Variants in C12orf54 observed in about 807,000 individuals in gnomAD.
C12orf54 encodes uncharacterized protein C12orf54.
A neutral mutation model predicts 26.4 loss-of-function variants in C12orf54; 24 were observed. That is an observed-to-expected ratio of 0.91 (90% CI 0.66 to 1.28). C12orf54 has a LOEUF of 1.28. C12orf54 is among the 50% of genes most tolerant of loss of function. The probability of loss-of-function intolerance (pLI) is 0.00; values close to 1 mark genes in which losing one functional copy is unlikely to be tolerated. For missense variants in C12orf54, 154 were observed against 150.9 expected (o/e 1.02, Z -0.11); for synonymous variants, 54 against 47.0 (o/e 1.15, Z -0.61).
chr12:48,445,145 C>A, the C12orf54 span, among the ~76,000 whole-genome samples: 26 of 151,968 alleles, frequency 1.7e-4, no homozygotes, highest in Non-Finnish European at 3.5e-4. Flanking sequence ...TGCACTCCAG[C>A]CTGGGCGACA....
At chr12:48,469,651 G>C in the C12orf54 span, among the ~76,000 whole-genome samples, 1 of 152,174 alleles carries the variant, frequency 6.6e-6, no homozygotes, top group African/African-American at 2.4e-5. Context: ...AATTATAAGA[G>C]TATTGATTGG....
chr12:48,486,739 G>C lies in C12orf54; in HGVS notation c.135+13G>C, dbSNP rs778835324. 1.9e-6 allele frequency: 3 copies of C among 1,611,192 alleles called. No homozygotes were observed. In the South Asian group the frequency reaches 3.3e-5, roughly 18 times the overall value. The stretch of plus-strand genomic sequence containing the variant: ...CCTGTGGGACCAGGTGAGTACAGAG[G>C]AATCATTTTTGACAGCATGGCATGA... On this transcript the variant is annotated intron_variant, in intron 4 of 8. Transcript: ENST00000548364.
chr12:48,436,428 C>T, the C12orf54 span, among the ~76,000 whole-genome samples: 1 of 152,172 alleles, frequency 6.6e-6, no homozygotes, highest in Admixed American at 6.5e-5. Context: ...ATCTACAGAA[C>T]TCTCCACCCC....
chr12:48,443,357 G>C, the C12orf54 span, among the ~76,000 whole-genome samples: 2 of 152,150 alleles, frequency 1.3e-5, no homozygotes, highest in African/African-American at 4.8e-5. Context: ...GGCTTTAGGT[G>C]GGAGCATGTT....
chr12:48,494,219 CAA>C (rs933658163), intron 7 of C12orf54, among the ~76,000 whole-genome samples: 1 of 148,804 alleles, frequency 6.7e-6, no homozygotes, highest in South Asian at 2.1e-4. Context: ...AACTCTGTCT[CAA>C]AAAAAAAATT....
At chr12:48,451,047 C>T in the C12orf54 span, among the ~76,000 whole-genome samples, 4 of 152,056 alleles carry the variant, frequency 2.6e-5, no homozygotes, top group African/African-American at 7.2e-5. Flanking sequence ...AAACTTCAGG[C>T]CAATATCCTT....
chr12:48,495,703 GA>G (rs1325979709), intron 8 of C12orf54: 1 of 152,568 alleles, frequency 6.6e-6, no homozygotes, highest in Non-Finnish European at 1.5e-5. Flanking sequence ...AGGTGATGGA[GA>G]AAATTGGTTT....
chr12:48,447,471 G>T, the C12orf54 span, among the ~76,000 whole-genome samples: 1 of 152,264 alleles, frequency 6.6e-6, no homozygotes, highest in Non-Finnish European at 1.5e-5. Flanking sequence ...CTGTGCTTTA[G>T]ATAGATTATT....
the C12orf54 span, among the ~76,000 whole-genome samples, chr12:48,445,837 A>G: frequency 6.6e-6 from 1 of 152,214 alleles, no homozygotes; most frequent in Non-Finnish European, 1.5e-5. Flanking sequence ...TTTTCCCAAA[A>G]GGAGGAAGCG....
chr12:48,456,880 A>G, the C12orf54 span, among the ~76,000 whole-genome samples: 1 of 152,194 alleles, frequency 6.6e-6, no homozygotes, highest in African/African-American at 2.4e-5. Flanking sequence ...GAAACACCAA[A>G]GTACGAAAAG....
the C12orf54 span, among the ~76,000 whole-genome samples, chr12:48,447,189 GCT>G: frequency 8.1e-4 from 116 of 142,892 alleles, no homozygotes; most frequent in African/African-American, 7.5e-4. Context: ...AGATATGAGA[GCT>G]CTCTCTCTCT....
chr12:48,476,077 G>C, the C12orf54 span, among the ~76,000 whole-genome samples: 1 of 152,160 alleles, frequency 6.6e-6, no homozygotes, highest in Non-Finnish European at 1.5e-5. Flanking sequence ...CCAGAAGAGA[G>C]TGGGGGCCAA....
the C12orf54 span, among the ~76,000 whole-genome samples, chr12:48,446,641 G>C: frequency 6.6e-6 from 1 of 152,032 alleles, no homozygotes; most frequent in Non-Finnish European, 1.5e-5. Context: ...ATTCCACCGG[G>C]AATTCCCATT....
the C12orf54 span, among the ~76,000 whole-genome samples, chr12:48,433,287 G>C: frequency 6.6e-6 from 1 of 152,176 alleles, no homozygotes; most frequent in East Asian, 1.9e-4. Flanking sequence ...GGCTCACCAG[G>C]AAGGAAAGAC....
chr12:48,418,165 G>A, the C12orf54 span, among the ~76,000 whole-genome samples: 9 of 152,214 alleles, frequency 5.9e-5, no homozygotes, highest in Non-Finnish European at 1.2e-4. Flanking sequence ...TGGAGATCAC[G>A]TTGGGAATAG....
chr12:48,442,740 A>AG, the C12orf54 span: 1 of 159,950 alleles, frequency 6.3e-6, no homozygotes, highest in Non-Finnish European at 1.4e-5. Flanking sequence ...GAGGAATGGC[A>AG]GAGATCCAAG....
At chr12:48,477,217 T>C in the C12orf54 span, among the ~76,000 whole-genome samples, 6 of 152,158 alleles carry the variant, frequency 3.9e-5, no homozygotes, top group Admixed American at 1.3e-4. Flanking sequence ...AGACACAACA[T>C]AGCAGAATCT....
At chr12:48,475,151 C>A in the C12orf54 span, among the ~76,000 whole-genome samples, 1 of 152,306 alleles carries the variant, frequency 6.6e-6, no homozygotes, top group East Asian at 1.9e-4. Flanking sequence ...TGGAGTGCAC[C>A]TCTAGCAAAC....
chr12:48,454,553 T>C, the C12orf54 span, among the ~76,000 whole-genome samples: 3 of 152,228 alleles, frequency 2.0e-5, no homozygotes, highest in Admixed American at 6.5e-5. Flanking sequence ...TTGCTAAGAA[T>C]AAAGCCTGTG....
Sources: gnomAD v4.1 joint callset for allele counts (sites outside exome capture counted in the v4.1 genomes callset) on GRCh38, gnomAD v4.1.1 for gene constraint, MANE v1.5 for transcripts, NCBI Gene and HGNC (gene_info 2026-07-23, HGNC 2026-07-21) for gene names.